The following NARS2 variants were observed in gnomAD, a reference collection of about 807,000 sequenced individuals.
The protein encoded by NARS2 is asparaginyl-tRNA synthetase.
A neutral mutation model predicts 62.9 loss-of-function variants in NARS2; 60 were observed. The ratio of observed to expected loss-of-function variants is 0.95; its 90% CI spans 0.77 to 1.18. The LOEUF (loss-of-function observed/expected upper bound fraction) is 1.18. Among genes scored for constraint, NARS2 ranks in the 50% most tolerant of loss-of-function variants. The pLI is 0.00. For missense variants in NARS2, 619 were observed against 576.4 expected (o/e 1.07, Z -0.76); for synonymous variants, 196 against 200.0 (o/e 0.98, Z 0.17).
At position 78,566,112 on chromosome 11, in the gene NARS2, G is replaced by A. The variant is rs193027292; in HGVS notation, c.513+20C>T. The A allele has an allele frequency of 2.2e-5, 35 of 1,589,424 alleles. No individual in the cohort carries two copies. In the African/African-American group the frequency reaches 4.1e-4, roughly 18 times the overall value. On this transcript the variant is annotated intron_variant, in intron 4 of 13. Transcript: ENST00000281038. Reference sequence around the variant, plus strand: ...ATTAAAACTGTTTAAAGGGTCAAGAGGGAACTTTTAGGATCTTACCTTAAA... The same window carrying A: ...ATTAAAACTGTTTAAAGGGTCAAGAAGGAACTTTTAGGATCTTACCTTAAA...
intron 6 of NARS2, among the ~76,000 whole-genome samples, chr11:78,510,314 A>G (rs1860672336): frequency 6.6e-6 from 1 of 152,216 alleles, no homozygotes; most frequent in South Asian, 2.1e-4. Context: ...AGGAGACAAA[A>G]GAGAGCACGG....
chr11:78,475,097 T>G (rs192487428), intron 9 of NARS2, among the ~76,000 whole-genome samples: 4 of 151,316 alleles, frequency 2.6e-5, no homozygotes, highest in Admixed American at 6.6e-5. Context: ...CACCGGCCAC[T>G]GGTAACTACC....
intron 9 of NARS2, among the ~76,000 whole-genome samples, chr11:78,475,580 CTTTTTT>C (rs377023107): frequency 2.2e-4 from 21 of 93,982 alleles, no homozygotes; most frequent in African/African-American, 8.0e-4. Context: ...TATCATTTGA[CTTTTTT>C]TTTTTTTTTT....
intron 11 of NARS2, among the ~76,000 whole-genome samples, chr11:78,451,682 T>C (rs917210217): frequency 1.3e-5 from 2 of 152,214 alleles, no homozygotes; most frequent in Non-Finnish European, 2.9e-5. Flanking sequence ...TAAAAAGTGC[T>C]ACAGCAGAGA....
chr11:78,469,759 T>C lies in NARS2; in HGVS notation c.960-446A>G, dbSNP rs114526565. On this transcript the variant is annotated intron_variant, in intron 9 of 13. Coordinates refer to ENST00000281038, the MANE Select transcript of NARS2 (RefSeq NM_024678.6). ...GAGACAATGTGCGTGCGCGCATGTG[T>C]GTGTCAGAGAGAGAGAGAGCGAGAG... is the stretch of plus-strand genomic sequence containing the variant. Among the ~76,000 whole-genome samples, 737 of 145,542 alleles carry C rather than the reference T, an allele frequency of 5.1e-3. 3 individuals carry two copies. The highest frequency in any genetic ancestry group is 0.018 in the African/African-American group (713 of 40,208).
intron 5 of NARS2, among the ~76,000 whole-genome samples, chr11:78,552,055 C>T (rs372773529): frequency 1.3e-5 from 2 of 152,084 alleles, no homozygotes; most frequent in Non-Finnish European, 2.9e-5. Context: ...TACATAAACA[C>T]GTGTCATGGG....
chr11:78,469,654 A>T (rs1457430471), intron 9 of NARS2, among the ~76,000 whole-genome samples: 1 of 152,216 alleles, frequency 6.6e-6, no homozygotes, highest in Non-Finnish European at 1.5e-5. Context: ...TTATTTATCC[A>T]ACAGACATAT....
At chr11:78,502,481 AT>A (rs1860317342) in intron 6 of NARS2, among the ~76,000 whole-genome samples, 1 of 152,310 alleles carries the variant, frequency 6.6e-6, no homozygotes, top group African/African-American at 2.4e-5. Flanking sequence ...TAACAGTACT[AT>A]CTTCAAATAC....
At chr11:78,450,666 C>CTTTTTTTT (rs781420225) in intron 11 of NARS2, among the ~76,000 whole-genome samples, 3 of 101,580 alleles carry the variant, frequency 3.0e-5, no homozygotes, top group African/African-American at 1.2e-4. Flanking sequence ...AAAGCCTTGT[C>CTTTTTTTT]TTTTTTTTTT....
chr11:78,516,866 ACAGT>A (rs1279095901), intron 6 of NARS2, among the ~76,000 whole-genome samples: 1 of 152,232 alleles, frequency 6.6e-6, no homozygotes, highest in Admixed American at 6.5e-5. Context: ...TGAAAAGCTC[ACAGT>A]CAAAGCTATA....
At chr11:78,517,051 G>A (rs972435372) in intron 6 of NARS2, among the ~76,000 whole-genome samples, 5 of 152,190 alleles carry the variant, frequency 3.3e-5, no homozygotes, top group East Asian at 1.9e-4. Context: ...AAGGCATGGC[G>A]AAAGCAAATT....
intron 4 of NARS2, among the ~76,000 whole-genome samples, chr11:78,560,701 T>C (rs1274966350): frequency 6.6e-6 from 1 of 152,232 alleles, no homozygotes; most frequent in African/African-American, 2.4e-5. Flanking sequence ...ACTTGCCTTA[T>C]GATGTGGACT....
At chr11:78,463,468 C>T (rs116384177) in intron 11 of NARS2, among the ~76,000 whole-genome samples, 2,451 of 152,192 alleles carry the variant, frequency 0.016, 57 homozygotes, top group African/African-American at 0.056. Flanking sequence ...GGCAGACTAC[C>T]TGAGGTCAGG....
At chr11:78,515,761 C>G (rs576576208) in intron 6 of NARS2, among the ~76,000 whole-genome samples, 4 of 152,152 alleles carry the variant, frequency 2.6e-5, no homozygotes, top group Non-Finnish European at 5.9e-5. Context: ...TAGGCTCAAG[C>G]CGTCCTCTTG....
At chr11:78,562,910 T>C (rs966771837) in intron 4 of NARS2, among the ~76,000 whole-genome samples, 7 of 152,218 alleles carry the variant, frequency 4.6e-5, no homozygotes, top group Non-Finnish European at 1.0e-4. Context: ...AATTTTTTAT[T>C]TGGAGGCTTA....
chr11:78,523,189 C>T lies in NARS2; in HGVS notation c.689+5653G>A, dbSNP rs776190600. ...AACAGGCACATGGAAAGACGCTCCA[C>T]ACCTTTTCATGTGCTCATTGACTTT... On this transcript the variant is annotated intron_variant, in intron 6 of 13. Coordinates refer to ENST00000281038, the MANE Select transcript of NARS2 (RefSeq NM_024678.6). Among the ~76,000 whole-genome samples, 9 of 152,126 alleles carry T rather than the reference C, an allele frequency of 5.9e-5. No homozygotes were observed. The South Asian group carries it at 6.2e-4, about 10-fold the overall frequency.
intron 11 of NARS2, among the ~76,000 whole-genome samples, chr11:78,459,053 T>A (rs1451768985): frequency 6.6e-6 from 1 of 152,030 alleles, no homozygotes; most frequent in Admixed American, 6.5e-5. Flanking sequence ...GAGCTGGGAC[T>A]ACAGGTGCCT....
chr11:78,493,189 A>C lies in NARS2; in HGVS notation c.696T>G (p.Phe232Leu). 6.2e-7 allele frequency: 1 copy of C among 1,611,884 alleles called. No individual in the cohort carries two copies. The highest frequency in any genetic ancestry group is 8.5e-7 in the Non-Finnish European group (1 of 1,179,492). ...QLHLEVMSGA[F>L]TQVFTFGPTF... ...TCGGACCAAAGGTAAACACTTGAGT[A>C]AAAGCTCTGCAATTCAAGATTAAGA... is the stretch of plus-strand genomic sequence containing the variant. Residue 232 changes from phenylalanine (F) to leucine (L), a missense_variant, in exon 7 of 14, where the codon TTT becomes TTG. Physicochemically the swap from Phe to Leu is conservative, Grantham distance 22 (BLOSUM62 0). Transcript: ENST00000281038.
rs537576437 is a variant in NARS2 at position 78,519,894 on chromosome 11, C to T, written c.689+8948G>A. Among the ~76,000 whole-genome samples, 363 of 152,110 alleles carry T rather than the reference C, an allele frequency of 2.4e-3. 1 individual carries two copies. Among genetic ancestry groups the T allele is most frequent in the African/African-American group, 8.1e-3 (335 of 41,490 alleles). The stretch of plus-strand genomic sequence containing the variant: ...TTTTTTAGTAGAGACGGGGTTTCAC[C>T]ATGTTAGCCAGGATGGTCTCGATCT... On this transcript the variant is annotated intron_variant, in intron 6 of 13. Transcript: ENST00000281038.
Sources: gnomAD v4.1 joint callset for allele counts (sites outside exome capture counted in the v4.1 genomes callset) on GRCh38, gnomAD v4.1.1 for gene constraint, MANE v1.5 for transcripts, NCBI Gene and HGNC (gene_info 2026-07-23, HGNC 2026-07-21) for gene names.